Variants in ERICH3 observed in about 807,000 individuals in gnomAD.
The protein encoded by ERICH3 is glutamate-rich protein 3.
ERICH3 carries 126 observed loss-of-function variants against 131.1 expected under a neutral mutation model. The observed-to-expected ratio is 0.96, with a 90% CI of 0.83 to 1.11. ERICH3 has a LOEUF of 1.11. ERICH3 is among the 50% of genes most tolerant of loss of function. The pLI is 0.00. For missense variants in ERICH3, 2,050 were observed against 1,810.7 expected (o/e 1.13, Z -2.40); for synonymous variants, 695 against 644.6 (o/e 1.08, Z -1.18).
At position 74,589,737 on chromosome 1, in the gene ERICH3, T is replaced by C. The variant is rs780916856; in HGVS notation, c.2070A>G (p.Lys690=). 3.1e-6 allele frequency: 5 copies of C among 1,614,020 alleles called. No homozygotes were observed. In the African/African-American group the frequency reaches 4.0e-5, roughly 13 times the overall value. Residue 690 remains lysine (K), a synonymous_variant, in exon 12 of 15, where the codon AAA becomes AAG. Transcript: ENST00000326665. ...IAEGLSEKSG[K]HVSAEEKEKD... ...TTTCCTTTTCTTCTGCAGAAACATGTTTCCCGGACTTCTCAGATAAACCCT... is the reference window on the plus strand; with the variant it reads ...TTTCCTTTTCTTCTGCAGAAACATGCTTCCCGGACTTCTCAGATAAACCCT...
intron 11 of ERICH3, among the ~76,000 whole-genome samples, chr1:74,590,302 G>T (rs532202834): frequency 6.6e-6 from 1 of 152,184 alleles, no homozygotes; most frequent in Admixed American, 6.5e-5. Context: ...GGTTGAGTGG[G>T]GATGGTTTTG....
At chr1:74,664,092 C>CA (rs1646667041) in intron 1 of ERICH3, among the ~76,000 whole-genome samples, 1 of 151,968 alleles carries the variant, frequency 6.6e-6, no homozygotes, top group Non-Finnish European at 1.5e-5. Flanking sequence ...ACTTTAAAGA[C>CA]AAAATAGTCT....
intron 10 of ERICH3, among the ~76,000 whole-genome samples, chr1:74,600,622 G>T (rs956490690): frequency 1.3e-5 from 2 of 151,710 alleles, no homozygotes; most frequent in African/African-American, 4.8e-5. Context: ...CCCTGCAGAG[G>T]TGCTATAAAT....
intron 10 of ERICH3, among the ~76,000 whole-genome samples, chr1:74,603,455 C>G (rs532298718): frequency 2.0e-5 from 3 of 151,780 alleles, no homozygotes; most frequent in Non-Finnish European, 4.4e-5. Context: ...TGCACAGTGC[C>G]TAGTTTGGTG....
intron 5 of ERICH3, among the ~76,000 whole-genome samples, chr1:74,640,541 A>G (rs535840018): frequency 1.2e-4 from 19 of 152,322 alleles, no homozygotes; most frequent in Non-Finnish European, 2.1e-4. Flanking sequence ...TAGGCTACAT[A>G]AAGCAAGAAT....
intron 10 of ERICH3, among the ~76,000 whole-genome samples, 181 bp downstream of exon 10, chr1:74,606,420 C>T (rs2100587865): frequency 6.6e-6 from 1 of 151,954 alleles, no homozygotes; most frequent in East Asian, 1.9e-4. Context: ...GGTCTGCCTT[C>T]CTCTAAGGTA....
chr1:74,640,626 T>A (rs564671070), intron 5 of ERICH3, among the ~76,000 whole-genome samples: 50 of 152,280 alleles, frequency 3.3e-4, no homozygotes, highest in African/African-American at 1.1e-3. Flanking sequence ...TCTTTTCCTG[T>A]ATCTATATTA....
chr1:74,608,039 G>A (rs1197678619), intron 9 of ERICH3, among the ~76,000 whole-genome samples: 4 of 151,910 alleles, frequency 2.6e-5, no homozygotes, highest in Non-Finnish European at 4.4e-5. Context: ...CACCCAGTAC[G>A]TGGGTGATGG....
In ERICH3 at chr1:74,589,697, G is replaced by C; in HGVS notation, c.2110C>G (p.Leu704Val). 6.2e-7 allele frequency: 1 copy of C among 1,614,024 alleles called. No homozygotes were observed. The highest frequency in any genetic ancestry group is 8.5e-7 in the Non-Finnish European group (1 of 1,179,948). ...ACCTGAGCAGTGCTTTCTTCCCAAA[G>C]CTTACTCTTATCCTTTTCCTTTTCT... ...AEEKEKDKSK[L>V]WEESTAQVKD... The change falls in exon 12 of 15, where the codon CTT (leucine) becomes GTT (valine). Residue 704 changes from leucine to valine, a missense_variant. By Grantham distance (32) the Leu-to-Val change is conservative. Transcript: ENST00000326665.
intron 11 of ERICH3, among the ~76,000 whole-genome samples, chr1:74,597,090 T>C (rs902660302): frequency 3.4e-4 from 52 of 152,102 alleles, no homozygotes; most frequent in Admixed American, 3.3e-3. Context: ...AGTGGTCACA[T>C]ATGCCTCTCA....
rs763951485 is a variant in ERICH3, at chr1:74,589,897, T to C, written c.1910A>G (p.Glu637Gly). The change falls in exon 12 of 15, where the codon GAG becomes GGG. Residue 637 changes from glutamate (E) to glycine (G), a missense_variant. Glu to Gly is a moderately conservative substitution (Grantham distance 98). Transcript: ENST00000326665. ...TTCAATTTCAATTTCTAAGGATTCC[T>C]CAATTGGAAGGTGAGACTTTCTTGG... ...DKPRKSHLPIEESLEIEIEDQ... is the reference protein window; with the variant it reads ...DKPRKSHLPIGESLEIEIEDQ... 6.2e-7 allele frequency: 1 copy of C among 1,614,082 alleles called. No homozygotes were observed. Among genetic ancestry groups the C allele is most frequent in the South Asian group, 1.1e-5 (1 of 91,082 alleles).
At chr1:74,646,813 A>G (rs1342864971) in intron 2 of ERICH3, 21 bp from the exon 3 acceptor site, 2 of 1,330,576 alleles carry the variant, frequency 1.5e-6, no homozygotes, top group East Asian at 2.6e-5. Context: ...TAAATAAAAT[A>G]TACATAGAAA....
chr1:74,583,340 T>C (rs756046166), intron 12 of ERICH3, among the ~76,000 whole-genome samples: 1 of 152,310 alleles, frequency 6.6e-6, no homozygotes, highest in Non-Finnish European at 1.5e-5. Flanking sequence ...ATATATACTA[T>C]GCTTTTTCCT....
intron 1 of ERICH3, among the ~76,000 whole-genome samples, chr1:74,670,817 C>T (rs931335181): frequency 2.0e-5 from 3 of 152,238 alleles, no homozygotes; most frequent in Admixed American, 1.3e-4. Flanking sequence ...TGTAGAGAGC[C>T]TACAAATGGA....
rs1018434598 is a variant in ERICH3, at chr1:74,569,291, T to A, written c.*1167A>T. 3 of 152,180 alleles carry A rather than the reference T, an allele frequency of 2.0e-5. No homozygotes were observed. The highest frequency in any genetic ancestry group is 7.2e-5 in the African/African-American group (3 of 41,444). 9.4% of individuals were successfully genotyped at this position (152,180 alleles called of 1,614,324 possible). ...TTTATAAAAGCGTCCCATGAAAATC[T>A]AATGTATATTCTGGCTGGAAAATCA... On this transcript the variant is annotated 3_prime_UTR_variant, in exon 15 of 15. Coordinates refer to ENST00000326665, the MANE Select transcript of ERICH3 (RefSeq NM_001002912.5).
intron 5 of ERICH3, among the ~76,000 whole-genome samples, chr1:74,640,850 G>C (rs527544192): frequency 2.6e-5 from 4 of 152,204 alleles, no homozygotes; most frequent in South Asian, 4.1e-4. Context: ...AATATGTAGA[G>C]ATAAGGTGGA....
Position 74,581,598 on chromosome 1 carries a change from T to C in ERICH3, c.2177-4662A>G, listed in dbSNP as rs1022883014. Among the ~76,000 whole-genome samples the C allele has an allele frequency of 1.2e-4, 19 of 152,320 alleles. 1 individual carries two copies. The highest frequency in any genetic ancestry group is 1.2e-3 in the Admixed American group (18 of 15,296). On this transcript the variant is annotated intron_variant, in intron 12 of 14. Coordinates refer to ENST00000326665, the MANE Select transcript of ERICH3 (RefSeq NM_001002912.5). ...TAAATAATTTATAGCTTTATTGCAC[T>C]GTTATCATTTACTGTGGATTCAACA...
chr1:74,622,913 AT>A (rs1227413189), intron 7 of ERICH3: 2 of 152,182 alleles, frequency 1.3e-5, no homozygotes, highest in African/African-American at 4.8e-5. Context: ...TTTTTAAAAA[AT>A]ATTCCCTAAT....
rs1203009179 is a variant in ERICH3 at position 74,612,857 on chromosome 1, T to G, written c.1001-48A>C. On this transcript the variant is annotated intron_variant, in intron 8 of 14. Transcript: ENST00000326665. ...TTAGTGAAAGCAACTGACTTCGGAC[T>G]AACATCTGTTAAATCATGTTTTTCT... 5 of 1,430,612 alleles carry G rather than the reference T, an allele frequency of 3.5e-6. No individual in the cohort carries two copies. The African/African-American group carries it at 7.1e-5, about 20-fold the overall frequency. The allele number at this position is 1,430,612 out of a possible 1,614,324, so 88.6% of individuals were successfully genotyped here. A position where few individuals can be genotyped will look rare whatever the true frequency, so the allele number is the denominator to read the frequency against.
Sources: allele counts gnomAD v4.1 joint callset (sites outside exome capture counted in the v4.1 genomes callset), GRCh38; gene constraint gnomAD v4.1.1; transcripts MANE v1.5; gene names NCBI Gene and HGNC (gene_info 2026-07-23, HGNC 2026-07-21).